The following CRMP1 variants were observed in gnomAD, a reference collection of about 807,000 sequenced individuals.
CRMP1 encodes dihydropyrimidinase-related protein 1.
In CRMP1, 19 loss-of-function variants were observed where a neutral mutation model predicts 68.3. The observed-to-expected ratio is 0.28, with a 90% CI of 0.19 to 0.41. CRMP1 has a LOEUF of 0.41. Ranked by LOEUF, CRMP1 falls within the 10% of genes least tolerant of loss-of-function variation. CRMP1 has a pLI of 1.00. For missense variants in CRMP1, 791 were observed against 967.4 expected, an observed-to-expected ratio of 0.82 and a Z score of 2.42; for synonymous variants, 439 against 399.6, an observed-to-expected ratio of 1.10 and a Z score of -1.18.
chr4:5,827,226 G>A (rs938559386), intron 12 of CRMP1, among the ~76,000 whole-genome samples: 1 of 152,232 alleles, frequency 6.6e-6, no homozygotes, highest in Non-Finnish European at 1.5e-5. Context: ...GACCAAGAAG[G>A]AAATGAAGCC....
chr4:5,851,963 GA>G (rs1712686896), intron 4 of CRMP1, among the ~76,000 whole-genome samples: 1 of 17,310 alleles, frequency 5.8e-5, no homozygotes, highest in Non-Finnish European at 2.2e-4. Context: ...GAAGAAGGAG[GA>G]AGAGGAAGAG....
Position 5,890,027 on chromosome 4 carries a change from A to C in CRMP1, c.381+2562T>G. On this transcript the variant is annotated intron_variant, in intron 1 of 13. Transcript: ENST00000324989. This position sits in a 1 kb window ranked among gnomAD's most constrained non-coding sequence, Gnocchi z 5.5. Reference sequence around the variant, plus strand: ...GCATGGAGATGCCAGGTTCCCCTACACTCTGTTTACAACTCATTTCCCTCC... The same window carrying C: ...GCATGGAGATGCCAGGTTCCCCTACCCTCTGTTTACAACTCATTTCCCTCC... 2 of 771,460 alleles carry C rather than the reference A, an allele frequency of 2.6e-6. No individual in the cohort carries two copies. Among genetic ancestry groups the C allele is most frequent in the South Asian group, 3.2e-5 (1 of 31,190 alleles). 47.8% of individuals were successfully genotyped at this position (771,460 alleles called of 1,614,324 possible). A position where few individuals can be genotyped will look rare whatever the true frequency, so the allele number is the denominator to read the frequency against.
rs1713448720 is a variant in CRMP1 at position 5,860,359 on chromosome 4, C to A, written c.655+667G>T. Among the ~76,000 whole-genome samples, 1 of 152,202 alleles carries A rather than the reference C, an allele frequency of 6.6e-6. No homozygotes were observed. ...AATGGGAGACCCATGGTGCCTGAAT[C>A]CAACCCAAAGCTAAGCACAGCCACT... On this transcript the variant is annotated intron_variant, in intron 3 of 13. Transcript: ENST00000324989. The surrounding 1 kb of genome is among the most constrained non-coding windows in gnomAD (Gnocchi z 4.2).
intron 1 of CRMP1, among the ~76,000 whole-genome samples, chr4:5,867,327 G>A (rs187374381): frequency 5.3e-5 from 8 of 152,278 alleles, no homozygotes; most frequent in African/African-American, 1.9e-4. Flanking sequence ...GCCTCTGTCA[G>A]CATCTGCACT....
rs549160648 is a variant in CRMP1, at chr4:5,891,423, C to T, written c.381+1166G>A. ...CAGGCTCACTTTGGGTCACTCATAG[C>T]ATTTAAGAGGGGAAGGTTTAATTAA... On this transcript the variant is annotated intron_variant, in intron 1 of 13. Coordinates refer to ENST00000324989, the MANE Select transcript of CRMP1 (RefSeq NM_001014809.3). The surrounding 1 kb of genome is among the most constrained non-coding windows in gnomAD (Gnocchi z 5.2). Among the ~76,000 whole-genome samples, 16 of 152,280 alleles carry T rather than the reference C, an allele frequency of 1.1e-4. No individual in the cohort carries two copies. The highest frequency in any genetic ancestry group is 2.4e-4 in the Non-Finnish European group (16 of 68,016).
At chr4:5,829,353 C>T (rs1720176858) in intron 11 of CRMP1, among the ~76,000 whole-genome samples, 1 of 152,130 alleles carries the variant, frequency 6.6e-6, no homozygotes, top group Non-Finnish European at 1.5e-5. Flanking sequence ...CGTGCCACTG[C>T]ACTCCAGCCT....
At position 5,837,214 on chromosome 4, in the gene CRMP1, T is replaced by C. The variant is rs145075902; in HGVS notation, c.1311-308A>G. 3.2e-3 allele frequency among the ~76,000 whole-genome samples: 485 copies of C among 152,294 alleles called. 2 individuals carry two copies. Among genetic ancestry groups the C allele is most frequent in the African/African-American group, 0.011 (468 of 41,568 alleles). ...TGCTGTGCTTGCAGAACAAACACTA[T>C]TCATTGGTTACAGCAAAGTGGCACA... On this transcript the variant is annotated intron_variant, in intron 9 of 13. Coordinates refer to ENST00000324989, the MANE Select transcript of CRMP1 (RefSeq NM_001014809.3).
At position 5,890,148 on chromosome 4, in the gene CRMP1, A is replaced by C; in HGVS notation, c.381+2441T>G. 1.6e-5 allele frequency: 3 copies of C among 185,846 alleles called. No individual in the cohort carries two copies. The highest frequency in any genetic ancestry group is 3.4e-5 in the Non-Finnish European group (3 of 88,314). The allele number at this position is 185,846 out of a possible 1,614,324, so 11.5% of individuals were successfully genotyped here. A position where few individuals can be genotyped will look rare whatever the true frequency, so the allele number is the denominator to read the frequency against. On this transcript the variant is annotated intron_variant, in intron 1 of 13. Coordinates refer to ENST00000324989, the MANE Select transcript of CRMP1 (RefSeq NM_001014809.3). The surrounding 1 kb of genome is among the most constrained non-coding windows in gnomAD (Gnocchi z 5.5). Reference sequence around the variant, plus strand: ...GACACTGTCCCTCCCCAACTCCTACACTCCCTTCCTTGGAGTTGTTAAGTC... The same window carrying C: ...GACACTGTCCCTCCCCAACTCCTACCCTCCCTTCCTTGGAGTTGTTAAGTC...
intron 10 of CRMP1, 24 bp downstream of exon 10, chr4:5,836,741 T>G: frequency 1.1e-5 from 17 of 1,613,974 alleles, no homozygotes; most frequent in Non-Finnish European, 1.4e-5. Context: ...TCTAGAATGC[T>G]CCTGAGAAGA....
intron 10 of CRMP1, among the ~76,000 whole-genome samples, chr4:5,836,531 T>C (rs1029516614): frequency 6.6e-6 from 1 of 152,136 alleles, no homozygotes; most frequent in Non-Finnish European, 1.5e-5. Flanking sequence ...AACAAAACAT[T>C]TTTCAATCTT....
Position 5,872,726 on chromosome 4 carries a change from C to T in CRMP1, c.382-5970G>A, listed in dbSNP as rs186407340. 6.4e-4 allele frequency among the ~76,000 whole-genome samples: 97 copies of T among 152,312 alleles called. No homozygotes were observed. The highest frequency in any genetic ancestry group is 2.1e-4 in the Non-Finnish European group (14 of 68,030). On this transcript the variant is annotated intron_variant, in intron 1 of 13. Coordinates refer to ENST00000324989, the MANE Select transcript of CRMP1 (RefSeq NM_001014809.3). This position sits in a 1 kb window ranked among gnomAD's most constrained non-coding sequence, Gnocchi z 4.6. ...ATGTATAAACCTTGAAGAAATAAAG[C>T]ATCTCATGAAAAACTCAGCCAAAGT...
chr4:5,882,722 T>C (rs1432529331), intron 1 of CRMP1, among the ~76,000 whole-genome samples: 7 of 152,206 alleles, frequency 4.6e-5, no homozygotes, highest in Non-Finnish European at 1.0e-4. Context: ...TCCACATTCC[T>C]ACAAGCTGCT....
rs188424083 is a variant in CRMP1, at chr4:5,853,699, T to C, written c.821-2230A>G. Among the ~76,000 whole-genome samples, 6 of 152,326 alleles carry C rather than the reference T, an allele frequency of 3.9e-5. No individual in the cohort carries two copies. The highest frequency in any genetic ancestry group is 3.9e-4 in the Admixed American group (6 of 15,296). On this transcript the variant is annotated intron_variant, in intron 4 of 13. Coordinates refer to ENST00000324989, the MANE Select transcript of CRMP1 (RefSeq NM_001014809.3). This position sits in a 1 kb window ranked among gnomAD's most constrained non-coding sequence, Gnocchi z 4.7. ...AAGATTAGGAAGCAACCTGTGTCCATCAATGAATGAATGGATTTTATAAAT... is the reference window on the plus strand; with the variant it reads ...AAGATTAGGAAGCAACCTGTGTCCACCAATGAATGAATGGATTTTATAAAT...
chr4:5,888,332 T>G lies in CRMP1; in HGVS notation c.381+4257A>C, dbSNP rs2079683827. On this transcript the variant is annotated intron_variant, in intron 1 of 13. Transcript: ENST00000324989. The surrounding 1 kb of genome is among the most constrained non-coding windows in gnomAD (Gnocchi z 6.4). ...GGCTGTCTGACTGGAACCGGCGCTC[T>G]CGGCCCCGCTCCCAGCGGGCGCGCT... 1 of 1,237,748 alleles carries G rather than the reference T, an allele frequency of 8.1e-7. No homozygotes were observed. The highest frequency in any genetic ancestry group is 4.2e-5 in the Admixed American group (1 of 23,556). 76.7% of individuals were successfully genotyped at this position (1,237,748 alleles called of 1,614,324 possible). A position where few individuals can be genotyped will look rare whatever the true frequency, so the allele number is the denominator to read the frequency against.
At position 5,870,807 on chromosome 4, in the gene CRMP1, C is replaced by A. The variant is rs1365412295; in HGVS notation, c.382-4051G>T. 6.6e-6 allele frequency among the ~76,000 whole-genome samples: 1 copy of A among 152,186 alleles called. No homozygotes were observed. The highest frequency in any genetic ancestry group is 1.5e-5 in the Non-Finnish European group (1 of 68,034). Reference sequence around the variant, plus strand: ...ACTCACCAAGCCTCTTGACGGCAATCCGGGACCAATGGGAAAAAGAGGCCC... The same window carrying A: ...ACTCACCAAGCCTCTTGACGGCAATACGGGACCAATGGGAAAAAGAGGCCC... On this transcript the variant is annotated intron_variant, in intron 1 of 13. Transcript: ENST00000324989. The surrounding 1 kb of genome is among the most constrained non-coding windows in gnomAD (Gnocchi z 6.0).
At position 5,872,875 on chromosome 4, in the gene CRMP1, TCAGA is replaced by T. The variant is rs2152471753; in HGVS notation, c.382-6123_382-6120del. The stretch of plus-strand genomic sequence containing the variant: ...CCACTTAAAAGCAAAACGTCCACAC[TCAGA>T]CAGAGGTGGGCTTGGATCCTGACTT... On this transcript the variant is annotated intron_variant, in intron 1 of 13. Transcript: ENST00000324989. The surrounding 1 kb of genome is among the most constrained non-coding windows in gnomAD (Gnocchi z 4.6). 6.6e-6 allele frequency among the ~76,000 whole-genome samples: 1 copy of T among 152,310 alleles called. No homozygotes were observed. The highest frequency in any genetic ancestry group is 2.1e-4 in the South Asian group (1 of 4,828).
At position 5,833,316 on chromosome 4, in the gene CRMP1, G is replaced by C. The variant is rs1459706174; in HGVS notation, c.1623+2599C>G. ...CGAGTAGCTGGGACTACAGGCGCCC[G>C]CCACTACGCCCGGCTAATTTTTTGT... is the stretch of plus-strand genomic sequence containing the variant. On this transcript the variant is annotated intron_variant, in intron 11 of 13. Coordinates refer to ENST00000324989, the MANE Select transcript of CRMP1 (RefSeq NM_001014809.3). Among the ~76,000 whole-genome samples, 2 of 132,708 alleles carry C rather than the reference G, an allele frequency of 1.5e-5. 1 individual carries two copies. The allele number at this position is 132,708 out of a possible 152,430, so 87.1% of individuals were successfully genotyped here.
At chr4:5,829,971 A>G (rs906593744) in intron 11 of CRMP1, among the ~76,000 whole-genome samples, 4 of 152,164 alleles carry the variant, frequency 2.6e-5, no homozygotes, top group Non-Finnish European at 2.9e-5. Flanking sequence ...TCCATTCCCA[A>G]CAAAACTCCG....
rs1713542528 is a variant in CRMP1, at chr4:5,861,393, A to G, written c.471-183T>C. Among the ~76,000 whole-genome samples the G allele has an allele frequency of 6.6e-6, 1 of 152,222 alleles. No individual in the cohort carries two copies. Among genetic ancestry groups the G allele is most frequent in the Non-Finnish European group, 1.5e-5 (1 of 68,042 alleles). ...AGGGGCTCATAGTCTAATAGGACGT[A>G]AGACAGGTGGGCAGACTGTTAGAGC... On this transcript the variant is annotated intron_variant, in intron 2 of 13. Transcript: ENST00000324989. The surrounding 1 kb of genome is among the most constrained non-coding windows in gnomAD (Gnocchi z 6.0).
Sources: allele counts gnomAD v4.1 joint callset (sites outside exome capture counted in the v4.1 genomes callset), GRCh38; gene constraint gnomAD v4.1.1; non-coding constraint Gnocchi (gnomAD v3.1); transcripts MANE v1.5; gene names NCBI Gene and HGNC (gene_info 2026-07-23, HGNC 2026-07-21).